PLCB4: variants seen among roughly 807,000 people sequenced by gnomAD.
PLCB4 encodes 1-phosphatidylinositol 4,5-bisphosphate phosphodiesterase beta-4.
In PLCB4, 77 loss-of-function variants were observed where a neutral mutation model predicts 178.8. That is an observed-to-expected ratio of 0.43 (90% CI 0.36 to 0.52). The LOEUF is 0.52. PLCB4 is among the 20% of genes least tolerant of loss of function. The pLI is 0.00. For missense variants in PLCB4, 1,024 were observed against 1,453.4 expected (o/e 0.70, Z 4.80); for synonymous variants, 496 against 490.8 (o/e 1.01, Z -0.14).
intron 1 of PLCB4, among the ~76,000 whole-genome samples, chr20:9,085,401 G>A (rs935392628): frequency 6.6e-6 from 1 of 152,150 alleles, no homozygotes; most frequent in Admixed American, 6.5e-5. Flanking sequence ...GACATGTACT[G>A]TAGCTAGCAC....
At chr20:9,196,351 G>T (rs1284920591) in intron 2 of PLCB4, among the ~76,000 whole-genome samples, 1 of 152,192 alleles carries the variant, frequency 6.6e-6, no homozygotes, top group Non-Finnish European at 1.5e-5. Flanking sequence ...TGACTTCTGG[G>T]CATGTAAATG....
At chr20:9,446,700 G>A (rs2042433102) in intron 32 of PLCB4, among the ~76,000 whole-genome samples, 1 of 152,130 alleles carries the variant, frequency 6.6e-6, no homozygotes, top group Non-Finnish European at 1.5e-5. Flanking sequence ...GGCCAACATG[G>A]CAAAACCCTG....
At chr20:9,427,355 C>T (rs1370305807) in intron 28 of PLCB4, among the ~76,000 whole-genome samples, 1 of 150,688 alleles carries the variant, frequency 6.6e-6, no homozygotes, top group African/African-American at 2.4e-5. Flanking sequence ...TCCAACAATA[C>T]AGTCTCCTAT....
At chr20:9,260,015 A>G (rs559402235) in intron 3 of PLCB4, among the ~76,000 whole-genome samples, 4 of 152,224 alleles carry the variant, frequency 2.6e-5, no homozygotes, top group South Asian at 4.2e-4. Flanking sequence ...AGAGATTTGG[A>G]GGTACATTTG....
At chr20:9,262,993 A>G (rs867530530) in intron 3 of PLCB4, among the ~76,000 whole-genome samples, 1 of 152,152 alleles carries the variant, frequency 6.6e-6, no homozygotes, top group African/African-American at 2.4e-5. Context: ...CTGCTCTTCC[A>G]GTGCTGTTTT....
At chr20:9,376,075 T>C (rs949012381) in intron 12 of PLCB4, among the ~76,000 whole-genome samples, 1 of 152,034 alleles carries the variant, frequency 6.6e-6, no homozygotes, top group Non-Finnish European at 1.5e-5. Flanking sequence ...TAGGGTGACC[T>C]CCTCCCTATC....
chr20:9,275,305 G>A (rs1019629314), intron 3 of PLCB4, among the ~76,000 whole-genome samples: 2 of 152,016 alleles, frequency 1.3e-5, no homozygotes, highest in Admixed American at 6.6e-5. Context: ...CACAAGAATA[G>A]CATGGGAAAG....
intron 2 of PLCB4, among the ~76,000 whole-genome samples, chr20:9,203,955 A>G (rs1180388327): frequency 2.6e-5 from 4 of 151,694 alleles, no homozygotes; most frequent in Non-Finnish European, 5.9e-5. Flanking sequence ...AATTTTATGT[A>G]TTTCTTAAAA....
intron 3 of PLCB4, among the ~76,000 whole-genome samples, chr20:9,278,844 G>A (rs567613386): frequency 6.6e-6 from 1 of 152,152 alleles, no homozygotes; most frequent in African/African-American, 2.4e-5. Flanking sequence ...CACAAGGCCT[G>A]TTCATTTATT....
intron 25 of PLCB4, among the ~76,000 whole-genome samples, chr20:9,415,077 T>C (rs1319691300): frequency 6.6e-6 from 1 of 152,222 alleles, no homozygotes; most frequent in Non-Finnish European, 1.5e-5. Context: ...CAATGACTAA[T>C]AATGGAACAG....
At position 9,365,688 on chromosome 20, in the gene PLCB4, G is replaced by A. The variant is rs563586700; in HGVS notation, c.503+174G>A. On this transcript the variant is annotated intron_variant, in intron 9 of 39. Transcript: ENST00000378473. ...ATTCAGTTTGTAAAAATCATTTATGGAAGTAAAACTGCATTTTTTTGGTCA... is the reference window on the plus strand; with the variant it reads ...ATTCAGTTTGTAAAAATCATTTATGAAAGTAAAACTGCATTTTTTTGGTCA... Among the ~76,000 whole-genome samples, 10 of 152,278 alleles carry A rather than the reference G, an allele frequency of 6.6e-5. No individual in the cohort carries two copies. In the East Asian group the frequency reaches 1.7e-3, roughly 26 times the overall value.
chr20:9,406,335 G>A (rs890030592), intron 21 of PLCB4, among the ~76,000 whole-genome samples: 5 of 152,088 alleles, frequency 3.3e-5, no homozygotes, highest in African/African-American at 1.2e-4. Flanking sequence ...GTTGTTTGGT[G>A]GGGGAGCAGG....
At chr20:9,330,634 G>A (rs59970829) in intron 4 of PLCB4, among the ~76,000 whole-genome samples, 2,872 of 152,216 alleles carry the variant, frequency 0.019, 84 homozygotes, top group African/African-American at 0.065. Context: ...CTCTGAAACC[G>A]CATTGGCCAA....
intron 2 of PLCB4, among the ~76,000 whole-genome samples, chr20:9,133,535 G>T (rs141627041): frequency 0.027 from 4,100 of 152,208 alleles, 181 homozygotes; most frequent in African/African-American, 0.092. Flanking sequence ...CCAAAGTGCT[G>T]GGATTACAGG....
At chr20:9,155,133 A>G (rs1054017656) in intron 2 of PLCB4, among the ~76,000 whole-genome samples, 1 of 127,968 alleles carries the variant, frequency 7.8e-6, no homozygotes, top group African/African-American at 2.9e-5. Flanking sequence ...TGTAAAGTCC[A>G]TTATATCACT....
intron 2 of PLCB4, among the ~76,000 whole-genome samples, chr20:9,185,685 A>T (rs6056454): frequency 6.6e-5 from 10 of 151,912 alleles, no homozygotes; most frequent in Admixed American, 2.0e-4. Flanking sequence ...CTTTACCGTG[A>T]CCCACCAGGC....
chr20:9,203,055 AAATAT>A (rs974326621), intron 2 of PLCB4, among the ~76,000 whole-genome samples: 8 of 131,970 alleles, frequency 6.1e-5, no homozygotes, highest in South Asian at 4.6e-4. Context: ...AAAAAAAAAA[AAATAT>A]ATATATATAT....
intron 13 of PLCB4, among the ~76,000 whole-genome samples, chr20:9,383,497 A>G (rs998581312): frequency 6.6e-6 from 1 of 152,224 alleles, no homozygotes; most frequent in African/African-American, 2.4e-5. Context: ...TATAAGTTGC[A>G]TAAATACTGA....
At chr20:9,146,565 C>T (rs947735391) in intron 2 of PLCB4, among the ~76,000 whole-genome samples, 9 of 152,108 alleles carry the variant, frequency 5.9e-5, no homozygotes, top group African/African-American at 2.2e-4. Flanking sequence ...GTTCAGGGCT[C>T]CGCTGAAAGG....
Sources: allele counts gnomAD v4.1 joint callset (sites outside exome capture counted in the v4.1 genomes callset), GRCh38; gene constraint gnomAD v4.1.1; transcripts MANE v1.5; gene names NCBI Gene and HGNC (gene_info 2026-07-23, HGNC 2026-07-21).